Variants in PDCD1LG2 observed in about 807,000 individuals in gnomAD.
PDCD1LG2 encodes B7 dendritic cell molecule.
A neutral mutation model predicts 28.2 loss-of-function variants in PDCD1LG2; 32 were observed. That is an observed-to-expected ratio of 1.13 (90% CI 0.86 to 1.52). PDCD1LG2 has a LOEUF of 1.52. Among genes scored for constraint, PDCD1LG2 ranks in the 40% most tolerant of loss-of-function variants. The pLI, the probability that PDCD1LG2 is intolerant of heterozygous loss-of-function variation, is 0.00. For synonymous variants in PDCD1LG2, 116 were observed against 120.2 expected, an observed-to-expected ratio of 0.97 and a Z score of 0.23; for missense variants, 385 against 323.8, an observed-to-expected ratio of 1.19 and a Z score of -1.45.
chr9:5,513,246 G>A (rs1336591779), intron 1 of PDCD1LG2, among the ~76,000 whole-genome samples: 1 of 152,198 alleles, frequency 6.6e-6, no homozygotes, highest in African/African-American at 2.4e-5. Context: ...CAACACGCCT[G>A]TGCATTTGCA....
rs183364358 is a variant in PDCD1LG2 at position 5,541,437 on chromosome 9, A to G, written c.361+6387A>G. Among the ~76,000 whole-genome samples, 4 of 152,316 alleles carry G rather than the reference A, an allele frequency of 2.6e-5. No homozygotes were observed. In the East Asian group the frequency reaches 5.8e-4, roughly 22 times the overall value. On this transcript the variant is annotated intron_variant, in intron 3 of 6. Transcript: ENST00000397747. ...ACTGTTGCTGTTTGCTGATGATATG[A>G]TCATATACCTAGAAAACCCTAAGGA...
intron 2 of PDCD1LG2, among the ~76,000 whole-genome samples, chr9:5,525,748 G>C (rs949889468): frequency 1.3e-5 from 2 of 151,870 alleles, no homozygotes; most frequent in Admixed American, 6.6e-5. Context: ...AGAAGATAAA[G>C]CTTAAAAAGT....
chr9:5,534,477 G>T (rs1194160130), intron 2 of PDCD1LG2, among the ~76,000 whole-genome samples: 2 of 152,210 alleles, frequency 1.3e-5, no homozygotes, highest in Non-Finnish European at 2.9e-5. Flanking sequence ...AGAAGCTCTT[G>T]CTGGGGTGCC....
chr9:5,557,533 G>T (rs2129919153), intron 4 of PDCD1LG2, 85 bp from the exon 5 acceptor site: 1 of 1,483,822 alleles, frequency 6.7e-7, no homozygotes, highest in Non-Finnish European at 9.3e-7. Flanking sequence ...TAGCCGTGTT[G>T]GCTGTCACCC....
intron 3 of PDCD1LG2, among the ~76,000 whole-genome samples, chr9:5,542,163 C>T (rs1820699607): frequency 1.3e-5 from 2 of 152,102 alleles, no homozygotes; most frequent in Non-Finnish European, 2.9e-5. Context: ...TCATATCTTA[C>T]CTTATAAAAA....
intron 6 of PDCD1LG2, among the ~76,000 whole-genome samples, chr9:5,567,323 T>C (rs1187144947): frequency 6.6e-6 from 1 of 152,248 alleles, no homozygotes; most frequent in Non-Finnish European, 1.5e-5. Flanking sequence ...AACTTACTGT[T>C]AGAAATGGAG....
chr9:5,530,473 CA>C (rs572807984), intron 2 of PDCD1LG2, among the ~76,000 whole-genome samples: 3,323 of 100,150 alleles, frequency 0.033, 36 homozygotes, highest in Middle Eastern at 0.075. Flanking sequence ...TAGCATACAG[CA>C]AAAAAAAAAA....
In PDCD1LG2 at chr9:5,570,082, C is replaced by A; in HGVS notation, c.*123C>A. 8.1e-7 allele frequency: 1 copy of A among 1,234,550 alleles called. No individual in the cohort carries two copies. Among genetic ancestry groups the A allele is most frequent in the Non-Finnish European group, 1.2e-6 (1 of 848,042 alleles). 76.5% of individuals were successfully genotyped at this position (1,234,550 alleles called of 1,614,324 possible). ...CACTTTTCAAATGCCTTTGGATGAC[C>A]CAGCACTTTAATCTGAAACCTGCAA... On this transcript the variant is annotated 3_prime_UTR_variant, in exon 7 of 7. Transcript: ENST00000397747.
At chr9:5,555,800 C>A (rs1437349483) in intron 4 of PDCD1LG2, among the ~76,000 whole-genome samples, 2 of 152,226 alleles carry the variant, frequency 1.3e-5, no homozygotes, top group African/African-American at 2.4e-5. Context: ...AAAACTCACT[C>A]TCTTAGCCTG....
intron 3 of PDCD1LG2, among the ~76,000 whole-genome samples, chr9:5,544,040 T>C (rs1247571998): frequency 6.6e-6 from 1 of 152,232 alleles, no homozygotes; most frequent in Non-Finnish European, 1.5e-5. Context: ...TTTCCATTTA[T>C]TTACTGTCAT....
Position 5,543,196 on chromosome 9 carries a change from T to C in PDCD1LG2, c.362-6139T>C, listed in dbSNP as rs541474771. 2.0e-5 allele frequency among the ~76,000 whole-genome samples: 3 copies of C among 152,134 alleles called. No homozygotes were observed. The East Asian group carries it at 5.8e-4, about 29-fold the overall frequency. On this transcript the variant is annotated intron_variant, in intron 3 of 6. Coordinates refer to ENST00000397747, the MANE Select transcript of PDCD1LG2 (RefSeq NM_025239.4). ...ATGGAAAGGCATAAGAATGATACAATGGACTTTCAGGACTTAGGGGAAAGG... is the reference window on the plus strand; with the variant it reads ...ATGGAAAGGCATAAGAATGATACAACGGACTTTCAGGACTTAGGGGAAAGG...
intron 1 of PDCD1LG2, among the ~76,000 whole-genome samples, chr9:5,520,609 C>G (rs71498622): frequency 6.6e-6 from 1 of 151,960 alleles, no homozygotes; most frequent in African/African-American, 2.4e-5. Context: ...GGTATTACAC[C>G]TAAAGCACAA....
intron 1 of PDCD1LG2, among the ~76,000 whole-genome samples, chr9:5,516,595 T>C (rs1820169144): frequency 6.6e-6 from 1 of 152,236 alleles, no homozygotes. Context: ...CTGTCCATGA[T>C]GCCCAGGCTG....
At chr9:5,550,320 T>C (rs10118813) in intron 4 of PDCD1LG2, among the ~76,000 whole-genome samples, 114 of 152,282 alleles carry the variant, frequency 7.5e-4, no homozygotes, top group African/African-American at 2.5e-3. Context: ...CTTGGGAAAA[T>C]AACAACTTTT....
chr9:5,570,440 C>T lies in PDCD1LG2; in HGVS notation c.*481C>T, dbSNP rs1357541840. 3 of 234,914 alleles carry T rather than the reference C, an allele frequency of 1.3e-5. No homozygotes were observed. Among genetic ancestry groups the T allele is most frequent in the African/African-American group, 6.6e-5 (3 of 45,380 alleles). The allele number at this position is 234,914 out of a possible 1,614,324, so 14.6% of individuals were successfully genotyped here. On this transcript the variant is annotated 3_prime_UTR_variant, in exon 7 of 7. Coordinates refer to ENST00000397747, the MANE Select transcript of PDCD1LG2 (RefSeq NM_025239.4). ...TGAGACTATGAGCTCACAGACAGGG[C>T]TTCGCACAAACTCAAATCATAATTG...
chr9:5,531,811 CCT>C (rs1019942993), intron 2 of PDCD1LG2, among the ~76,000 whole-genome samples: 41 of 152,262 alleles, frequency 2.7e-4, no homozygotes, highest in African/African-American at 9.9e-4. Flanking sequence ...CATTTTCTTC[CCT>C]GTTTCCTGTT....
intron 1 of PDCD1LG2, among the ~76,000 whole-genome samples, chr9:5,518,320 G>C (rs1376652579): frequency 6.6e-6 from 1 of 152,240 alleles, no homozygotes; most frequent in African/African-American, 2.4e-5. Context: ...AGCAGTGTCT[G>C]TTCCTCGGTT....
chr9:5,516,566 C>G (rs927276583), intron 1 of PDCD1LG2, among the ~76,000 whole-genome samples: 2 of 152,226 alleles, frequency 1.3e-5, no homozygotes, highest in Non-Finnish European at 2.9e-5. Flanking sequence ...GAACCTGTCT[C>G]CCTCTTGCCA....
chr9:5,548,292 A>G (rs996213774), intron 3 of PDCD1LG2, among the ~76,000 whole-genome samples: 16 of 152,168 alleles, frequency 1.1e-4, no homozygotes. Flanking sequence ...TTAGCATAAT[A>G]CCCTTCAGTT....
Sources: gnomAD v4.1 joint callset for allele counts (sites outside exome capture counted in the v4.1 genomes callset) on GRCh38, gnomAD v4.1.1 for gene constraint, MANE v1.5 for transcripts, NCBI Gene and HGNC (gene_info 2026-07-23, HGNC 2026-07-21) for gene names.